ARHGEF7: variants seen among roughly 807,000 people sequenced by gnomAD.
ARHGEF7 encodes Rho guanine nucleotide exchange factor 7, also known as PAK-interacting exchange factor beta.
Under a neutral mutation model 109.8 loss-of-function variants are expected in ARHGEF7, and 33 were observed. The ratio of observed to expected loss-of-function variants is 0.30; its 90% CI spans 0.23 to 0.40. The LOEUF (loss-of-function observed/expected upper bound fraction) is 0.40. Among genes scored for constraint, ARHGEF7 ranks in the 10% least tolerant of loss-of-function variants. The pLI is 1.00. For missense variants in ARHGEF7, 938 were observed against 1,098.5 expected (o/e 0.85, Z 2.07); for synonymous variants, 458 against 424.6 (o/e 1.08, Z -0.97).
intron 9 of ARHGEF7, among the ~76,000 whole-genome samples, chr13:111,268,037 A>G (rs2091816676): frequency 6.6e-6 from 1 of 152,236 alleles, no homozygotes; most frequent in African/African-American, 2.4e-5. Flanking sequence ...AACAGAAAGT[A>G]TCTCATTTCA....
chr13:111,186,088 T>C (rs1594441997), intron 2 of ARHGEF7, among the ~76,000 whole-genome samples: 3 of 151,760 alleles, frequency 2.0e-5, no homozygotes, highest in Non-Finnish European at 1.5e-5. Context: ...CATGCCGTGG[T>C]CCTAAGCAGG....
intron 1 of ARHGEF7, among the ~76,000 whole-genome samples, chr13:111,140,715 G>T (rs2075306267): frequency 6.6e-6 from 1 of 152,004 alleles, no homozygotes; most frequent in African/African-American, 2.4e-5. Flanking sequence ...TTTTTTAGAG[G>T]CAGGGTCTTT....
intron 16 of ARHGEF7, among the ~76,000 whole-genome samples, chr13:111,285,552 G>A (rs917631281): frequency 2.6e-5 from 4 of 152,182 alleles, no homozygotes; most frequent in Non-Finnish European, 4.4e-5. Context: ...ATTCCGTTGT[G>A]AACACTCTGA....
At chr13:111,216,180 T>C (rs2083109096) in intron 4 of ARHGEF7, among the ~76,000 whole-genome samples, 1 of 152,234 alleles carries the variant, frequency 6.6e-6, no homozygotes, top group Non-Finnish European at 1.5e-5. Context: ...TTACCCTGCT[T>C]TTCAGCTCTG....
intron 8 of ARHGEF7, among the ~76,000 whole-genome samples, chr13:111,260,907 A>G (rs79845870): frequency 0.022 from 3,354 of 152,362 alleles, 126 homozygotes; most frequent in African/African-American, 0.077. Flanking sequence ...CATTGTTTAC[A>G]CAATCAATGT....
intron 1 of ARHGEF7, among the ~76,000 whole-genome samples, chr13:111,118,855 C>A (rs1200977521): frequency 6.6e-6 from 1 of 152,104 alleles, no homozygotes; most frequent in Non-Finnish European, 1.5e-5. Context: ...TCTGTGTGTC[C>A]CAGGAGAACA....
chr13:111,155,760 C>T (rs973517906), intron 2 of ARHGEF7, among the ~76,000 whole-genome samples: 2 of 152,112 alleles, frequency 1.3e-5, no homozygotes, highest in African/African-American at 4.8e-5. Flanking sequence ...TAGTGTAAAA[C>T]TTTTTAAAAA....
chr13:111,222,843 A>T (rs1297830228), intron 5 of ARHGEF7, among the ~76,000 whole-genome samples: 2 of 152,262 alleles, frequency 1.3e-5, no homozygotes, highest in Admixed American at 1.3e-4. Flanking sequence ...TCAGTACAGC[A>T]GACTTCCCTC....
chr13:111,175,426 G>A (rs965832195), intron 2 of ARHGEF7, among the ~76,000 whole-genome samples: 3 of 152,218 alleles, frequency 2.0e-5, no homozygotes, highest in Non-Finnish European at 4.4e-5. Flanking sequence ...GCACCTCTCT[G>A]GGGGCCCTCT....
At chr13:111,215,453 C>T (rs1168488266) in intron 4 of ARHGEF7, among the ~76,000 whole-genome samples, 1 of 151,860 alleles carries the variant, frequency 6.6e-6, no homozygotes, top group Non-Finnish European at 1.5e-5. Flanking sequence ...GTTTTCCTCC[C>T]CTGGCCCCTT....
At chr13:111,189,428 C>T (rs2079611734) in intron 2 of ARHGEF7, among the ~76,000 whole-genome samples, 1 of 152,142 alleles carries the variant, frequency 6.6e-6, no homozygotes, top group African/African-American at 2.4e-5. Context: ...GTGAGTGTTA[C>T]AGCTCTTAAA....
At chr13:111,155,054 T>C (rs1184728886) in intron 2 of ARHGEF7, among the ~76,000 whole-genome samples, 1 of 152,188 alleles carries the variant, frequency 6.6e-6, no homozygotes, top group Non-Finnish European at 1.5e-5. Context: ...TATTTACATA[T>C]CATTTATAAT....
rs777935287 is a variant in ARHGEF7, at chr13:111,280,587, G to T, written c.1635G>T (p.Leu545=). ...TGTCGTGCAACAACCAGCAGGATCTGCAGGAATGGGTGGAGCACCTACAGA... is the reference window on the plus strand; with the variant it reads ...TGTCGTGCAACAACCAGCAGGATCTTCAGGAATGGGTGGAGCACCTACAGA... ...ILVSCNNQQD[L]QEWVEHLQKQ... Residue 545 remains leucine, a synonymous_variant, in exon 15 of 22, where the codon CTG becomes CTT. Transcript: ENST00000646102. 7 of 1,612,810 alleles carry T rather than the reference G, an allele frequency of 4.3e-6. No homozygotes were observed. The South Asian group carries it at 6.6e-5, about 15-fold the overall frequency.
chr13:111,194,255 GGCTTAAA>G (rs1429227080), intron 2 of ARHGEF7, among the ~76,000 whole-genome samples: 5 of 152,186 alleles, frequency 3.3e-5, no homozygotes, highest in Non-Finnish European at 7.3e-5. Context: ...CCTGTGGGAA[GGCTTAAA>G]TCTGGAGCTT....
chr13:111,272,135 A>T lies in ARHGEF7; in HGVS notation c.1074-1679A>T, dbSNP rs563150789. Reference sequence around the variant, plus strand: ...GTTTGAATCGGTTTCATTGGAGGACATTCTCCCTGGCTGCCCTGGCAGGGG... The same window carrying T: ...GTTTGAATCGGTTTCATTGGAGGACTTTCTCCCTGGCTGCCCTGGCAGGGG... On this transcript the variant is annotated intron_variant, in intron 9 of 21. Coordinates refer to ENST00000646102, the MANE Select transcript of ARHGEF7 (RefSeq NM_001354046.2). This position sits in a 1 kb window ranked among gnomAD's most constrained non-coding sequence, Gnocchi z 5.2. Among the ~76,000 whole-genome samples, 1 of 152,198 alleles carries T rather than the reference A, an allele frequency of 6.6e-6. No homozygotes were observed. The highest frequency in any genetic ancestry group is 2.4e-5 in the African/African-American group (1 of 41,444).
At chr13:111,193,514 C>G (rs1331015905) in intron 2 of ARHGEF7, among the ~76,000 whole-genome samples, 1 of 152,244 alleles carries the variant, frequency 6.6e-6, no homozygotes, top group African/African-American at 2.4e-5. Flanking sequence ...GGGGTTCCCT[C>G]AGAGGTTAGG....
chr13:111,277,695 T>G, intron 13 of ARHGEF7, 22 bp downstream of exon 13: 4 of 1,448,850 alleles, frequency 2.8e-6, no homozygotes, highest in Non-Finnish European at 3.9e-6. Flanking sequence ...TTTAAATTTA[T>G]ATTTTATTGT....
intron 4 of ARHGEF7, among the ~76,000 whole-genome samples, chr13:111,215,173 C>T (rs1260142503): frequency 2.0e-5 from 3 of 152,122 alleles, no homozygotes; most frequent in East Asian, 1.9e-4. Context: ...ATCAGAGTAA[C>T]TGGGGGCATC....
At position 111,115,677 on chromosome 13, in the gene ARHGEF7, G is replaced by C; in HGVS notation, c.151G>C (p.Gly51Arg). The change falls in exon 1 of 22, where the codon GGG (glycine) becomes CGG (arginine). Residue 51 changes from glycine to arginine, a missense_variant. By Grantham distance (125) the Gly-to-Arg change is moderately radical. Coordinates refer to ENST00000646102, the MANE Select transcript of ARHGEF7 (RefSeq NM_001354046.2). ...CAGGCTGCTGGAGCGCCTGCTCCCCGGGACCATCGAGAAAGTAAGTCCCGG... is the reference window on the plus strand; with the variant it reads ...CAGGCTGCTGGAGCGCCTGCTCCCCCGGACCATCGAGAAAGTAAGTCCCGG... ...LCRLLERLLP[G>R]TIEKVYPEPR... 7.8e-7 allele frequency: 1 copy of C among 1,280,166 alleles called. No homozygotes were observed. The highest frequency in any genetic ancestry group is 9.9e-7 in the Non-Finnish European group (1 of 1,006,384). 79.3% of individuals were successfully genotyped at this position (1,280,166 alleles called of 1,614,324 possible). A position where few individuals can be genotyped will look rare whatever the true frequency, so the allele number is the denominator to read the frequency against.
Sources: gnomAD v4.1 joint callset for allele counts (sites outside exome capture counted in the v4.1 genomes callset) on GRCh38, gnomAD v4.1.1 for gene constraint, Gnocchi (gnomAD v3.1) non-coding constraint, MANE v1.5 for transcripts, NCBI Gene and HGNC (gene_info 2026-07-23, HGNC 2026-07-21) for gene names.